GPAT3: variants seen among roughly 807,000 people sequenced by gnomAD.
GPAT3 encodes 1-AGP acyltransferase 9.
Under a neutral mutation model 58.8 loss-of-function variants are expected in GPAT3, and 53 were observed. The ratio of observed to expected loss-of-function variants is 0.90; its 90% CI spans 0.72 to 1.13. GPAT3 has a LOEUF of 1.13. GPAT3 is among the 50% of genes most tolerant of loss of function. GPAT3 has a pLI of 0.00. For missense variants in GPAT3, 511 were observed against 527.6 expected (o/e 0.97, Z 0.31); for synonymous variants, 197 against 187.4 (o/e 1.05, Z -0.42).
chr4:83,551,813 A>AAATCTATCT lies in GPAT3; in HGVS notation c.208+7212_208+7213insATCTATCTA, dbSNP rs768726930. On this transcript the variant is annotated intron_variant, in intron 2 of 11. Transcript: ENST00000264409. ...TCTCGGAAAAAAAAAAAAAAAAAAA[A>AAATCTATCT]ATCTATCTATCTATCTATCTATCTA... is the stretch of plus-strand genomic sequence containing the variant. Among the ~76,000 whole-genome samples, 528 of 102,408 alleles carry AAATCTATCT rather than the reference A, an allele frequency of 5.2e-3. 12 individuals are homozygous for AAATCTATCT. Among genetic ancestry groups the AAATCTATCT allele is most frequent in the East Asian group, 0.021 (88 of 4,160 alleles). 67.2% of individuals were successfully genotyped at this position (102,408 alleles called of 152,430 possible).
chr4:83,573,491 G>C (rs771446505), intron 2 of GPAT3, among the ~76,000 whole-genome samples: 1 of 152,164 alleles, frequency 6.6e-6, no homozygotes, highest in Non-Finnish European at 1.5e-5. Context: ...CATGGGCCAG[G>C]CCTCTTCCTT....
intron 11 of GPAT3, among the ~76,000 whole-genome samples, chr4:83,599,945 A>G (rs1365633066): frequency 6.6e-6 from 1 of 152,198 alleles, no homozygotes; most frequent in Non-Finnish European, 1.5e-5. Context: ...AACAACTGAT[A>G]AAATAGAACA....
intron 2 of GPAT3, among the ~76,000 whole-genome samples, chr4:83,566,389 A>G (rs1725383288): frequency 6.7e-6 from 1 of 149,248 alleles, no homozygotes. Flanking sequence ...TGCTTTTCCT[A>G]TTTATTCTTT....
intron 2 of GPAT3, among the ~76,000 whole-genome samples, chr4:83,567,406 C>G (rs1202460348): frequency 1.3e-5 from 2 of 151,996 alleles, no homozygotes; most frequent in Non-Finnish European, 2.9e-5. Flanking sequence ...GATAGATTAC[C>G]CCTCTTAGAC....
chr4:83,595,369 AT>A (rs1440866567), intron 7 of GPAT3: 2 of 152,892 alleles, frequency 1.3e-5, no homozygotes, highest in African/African-American at 4.8e-5. Context: ...TAAATATTTG[AT>A]AACTACTTGC....
At chr4:83,557,473 G>T (rs1428772935) in intron 2 of GPAT3, among the ~76,000 whole-genome samples, 1 of 152,002 alleles carries the variant, frequency 6.6e-6, no homozygotes, top group Non-Finnish European at 1.5e-5. Context: ...GCATTGTCTT[G>T]GGCCACACAT....
At chr4:83,601,439 T>C (rs1465556226) in intron 11 of GPAT3, among the ~76,000 whole-genome samples, 1 of 152,212 alleles carries the variant, frequency 6.6e-6, no homozygotes, top group Non-Finnish European at 1.5e-5. Flanking sequence ...ATTTCTACAG[T>C]GAAAACTCAT....
At chr4:83,547,657 A>T (rs1228202947) in intron 2 of GPAT3, among the ~76,000 whole-genome samples, 1 of 151,308 alleles carries the variant, frequency 6.6e-6, no homozygotes, top group Non-Finnish European at 1.5e-5. Context: ...CTGTGCTTTT[A>T]TTGAATAAGC....
intron 2 of GPAT3, among the ~76,000 whole-genome samples, chr4:83,575,569 C>T (rs1343743200): frequency 6.6e-6 from 1 of 152,098 alleles, no homozygotes; most frequent in Non-Finnish European, 1.5e-5. Context: ...CCCACCACCA[C>T]GCCTGGCTAA....
rs559389189 is a variant in GPAT3 at position 83,598,050 on chromosome 4, G to A, written c.997-1G>A. 1 of 1,612,986 alleles carries A rather than the reference G, an allele frequency of 6.2e-7. No individual in the cohort carries two copies. Among genetic ancestry groups the A allele is most frequent in the Admixed American group, 1.7e-5 (1 of 59,874 alleles). On this transcript the variant is annotated splice_acceptor_variant, in intron 9 of 11. Transcript: ENST00000264409. LOFTEE classifies it high-confidence loss of function. ...CTGAGATGTATTTTCTTTTTTCTCA[G>A]TATAACCCTCAGTTCGGTGATGCAT...
chr4:83,603,841 G>T (rs1042206463), intron 11 of GPAT3, among the ~76,000 whole-genome samples: 12 of 151,462 alleles, frequency 7.9e-5, no homozygotes, highest in African/African-American at 2.4e-4. Context: ...ACATAGATAG[G>T]GTTATATTTG....
rs1468352154 is a variant in GPAT3 at position 83,604,732 on chromosome 4, A to T, written c.1270A>T (p.Ser424Cys). 1 of 1,614,106 alleles carries T rather than the reference A, an allele frequency of 6.2e-7. No individual in the cohort carries two copies. Among genetic ancestry groups the T allele is most frequent in the South Asian group, 1.1e-5 (1 of 91,084 alleles). ...TAAGGAAGAGCAGCAGAAAAATTAC[A>T]GCAAGATGATTGTGGGCAATGGATC... ...IFKEEQQKNY[S>C]KMIVGNGSLS is the part of the protein sequence containing the mutation. The change falls in exon 12 of 12, where the codon AGC becomes TGC. Residue 424 changes from serine to cysteine, a missense_variant. Physicochemically the swap from Ser to Cys is moderately radical, Grantham distance 112 (BLOSUM62 -1). Coordinates refer to ENST00000264409, the MANE Select transcript of GPAT3 (RefSeq NM_032717.5).
At chr4:83,590,885 C>CTTTTTT (rs5859882) in intron 6 of GPAT3, among the ~76,000 whole-genome samples, 1 of 114,312 alleles carries the variant, frequency 8.7e-6, no homozygotes, top group Non-Finnish European at 1.8e-5. Flanking sequence ...GAATCATATT[C>CTTTTTT]TTTTTTTTTT....
intron 5 of GPAT3, among the ~76,000 whole-genome samples, chr4:83,589,997 C>T (rs1273223239): frequency 6.6e-6 from 1 of 151,954 alleles, no homozygotes; most frequent in African/African-American, 2.4e-5. Flanking sequence ...GAGGCTGAGG[C>T]AGGAGAATTG....
rs561823096 is a variant in GPAT3 at position 83,549,931 on chromosome 4, C to T, written c.208+5329C>T. Among the ~76,000 whole-genome samples the T allele has an allele frequency of 2.0e-5, 3 of 151,934 alleles. No individual in the cohort carries two copies. The South Asian group carries it at 6.2e-4, about 32-fold the overall frequency. On this transcript the variant is annotated intron_variant, in intron 2 of 11. Transcript: ENST00000264409. ...AGAGATGGGGTTTCACCATGTTGGC[C>T]AGGCTGGTCTCAAACTCCTGACCTC...
rs1041811654 is a variant in GPAT3, at chr4:83,536,147, G to A, written c.-476G>A. ...CCCGCGGCCCGGTGCCAGCTCCGCC[G>A]GCGACCGGTGTGCCAAAGTGCGGTG... On this transcript the variant is annotated 5_prime_UTR_variant, in exon 1 of 12. Coordinates refer to ENST00000264409, the MANE Select transcript of GPAT3 (RefSeq NM_032717.5). The A allele has an allele frequency of 6.1e-6, 6 of 985,696 alleles. No homozygotes were observed. The African/African-American group carries it at 1.0e-4, about 17-fold the overall frequency. 61.1% of individuals were successfully genotyped at this position (985,696 alleles called of 1,614,324 possible).
At chr4:83,579,300 CCCCTCCTCTT>C (rs1441802478) in intron 2 of GPAT3, among the ~76,000 whole-genome samples, 5 of 124,784 alleles carry the variant, frequency 4.0e-5, no homozygotes, top group Middle Eastern at 3.8e-3. Context: ...CCCCTCCCCT[CCCCTCCTCTT>C]CCCTTTCCAT....
intron 1 of GPAT3, among the ~76,000 whole-genome samples, chr4:83,537,048 T>C (rs1724125680): frequency 6.6e-6 from 1 of 152,180 alleles, no homozygotes; most frequent in African/African-American, 2.4e-5. Context: ...TTTTACTGAT[T>C]AGAATAACAA....
chr4:83,562,211 T>TAA (rs55826032), intron 2 of GPAT3, among the ~76,000 whole-genome samples: 43 of 73,010 alleles, frequency 5.9e-4, no homozygotes, highest in African/African-American at 1.4e-3. Flanking sequence ...TATATATATA[T>TAA]TATATATATA....
Sources: allele counts gnomAD v4.1 joint callset (sites outside exome capture counted in the v4.1 genomes callset), GRCh38; gene constraint gnomAD v4.1.1; transcripts MANE v1.5; gene names NCBI Gene and HGNC (gene_info 2026-07-23, HGNC 2026-07-21).